The following FRMPD1 variants were observed in gnomAD, a reference collection of about 807,000 sequenced individuals.
FRMPD1 encodes FERM and PDZ domain containing 1.
FRMPD1 carries 76 observed loss-of-function variants against 117.8 expected under a neutral mutation model. The observed-to-expected ratio is 0.65, with a 90% CI of 0.54 to 0.78. The LOEUF (loss-of-function observed/expected upper bound fraction) is 0.78. FRMPD1 is among the 30% of genes least tolerant of loss of function. The pLI is 0.00. For synonymous variants in FRMPD1, 783 were observed against 770.4 expected (o/e 1.02, Z -0.27); for missense variants, 1,786 against 1,964.5 (o/e 0.91, Z 1.72).
intron 6 of FRMPD1, among the ~76,000 whole-genome samples, chr9:37,719,584 T>G (rs1823305092): frequency 6.6e-6 from 1 of 152,258 alleles, no homozygotes; most frequent in Non-Finnish European, 1.5e-5. Flanking sequence ...CTATTGAACC[T>G]CTATTATGTG....
upstream of FRMPD1, among the ~76,000 whole-genome samples, chr9:37,648,093 C>T (rs928931319): frequency 2.0e-5 from 3 of 152,042 alleles, no homozygotes; most frequent in African/African-American, 7.2e-5. Context: ...AATGCTGTTT[C>T]GTCTCCAGGA....
At chr9:37,708,298 C>T in intron 3 of FRMPD1, 101 bp from the exon 4 acceptor site, 1 of 706,468 alleles carries the variant, frequency 1.4e-6, no homozygotes, top group East Asian at 2.5e-5. Flanking sequence ...AGCCAGTGCC[C>T]CTGGGAACTG....
At chr9:37,643,668 C>A in the FRMPD1 span, among the ~76,000 whole-genome samples, 1 of 152,138 alleles carries the variant, frequency 6.6e-6, no homozygotes, top group Non-Finnish European at 1.5e-5. Context: ...CTTGGTTGTG[C>A]TCCTTCAAGC....
At chr9:37,621,293 CTATCAGA>C in the FRMPD1 span, among the ~76,000 whole-genome samples, 1 of 152,180 alleles carries the variant, frequency 6.6e-6, no homozygotes, top group Non-Finnish European at 1.5e-5. Context: ...GACACAATAG[CTATCAGA>C]TACCCAAAGT....
rs763197938 is a variant in FRMPD1 at position 37,685,663 on chromosome 9, A to AC, written c.-4-6975_-4-6974insC. Among the ~76,000 whole-genome samples, 275 of 152,278 alleles carry AC rather than the reference A, an allele frequency of 1.8e-3. 5 individuals are homozygous for AC. Among genetic ancestry groups the AC allele is most frequent in the East Asian group, 1.3e-3 (7 of 5,186 alleles). ...CGAGACTCCGTCTCAAAAAAAAAAAAAATTTGCCTTCCATTTCTTTGGTTA... is the reference window on the plus strand; with the variant it reads ...CGAGACTCCGTCTCAAAAAAAAAAAACAATTTGCCTTCCATTTCTTTGGTTA... On this transcript the variant is annotated intron_variant, in intron 1 of 15. Transcript: ENST00000377765.
chr9:37,636,714 T>C, the FRMPD1 span: 1 of 1,578,450 alleles, frequency 6.3e-7, no homozygotes, highest in Non-Finnish European at 8.6e-7. Context: ...CCAGCCGGCT[T>C]TACAGGGGTG....
chr9:37,722,772 CT>C (rs1823454121), intron 6 of FRMPD1, among the ~76,000 whole-genome samples: 1 of 151,532 alleles, frequency 6.6e-6, no homozygotes, highest in South Asian at 2.1e-4. Context: ...TTTTTTTTTT[CT>C]TTTTTTCTTT....
intron 1 of FRMPD1, among the ~76,000 whole-genome samples, chr9:37,681,534 G>T (rs1400127160): frequency 6.6e-6 from 1 of 152,208 alleles, no homozygotes; most frequent in African/African-American, 2.4e-5. Flanking sequence ...ATGCAGATGT[G>T]TGAGCCCATT....
At chr9:37,637,265 T>C in the FRMPD1 span, 1 of 1,604,018 alleles carries the variant, frequency 6.2e-7, no homozygotes, top group African/African-American at 1.3e-5. Flanking sequence ...CAAAAGCAGC[T>C]TAAACAGGCA....
chr9:37,627,297 T>C, the FRMPD1 span, among the ~76,000 whole-genome samples: 3 of 152,190 alleles, frequency 2.0e-5, no homozygotes, highest in African/African-American at 7.2e-5. Flanking sequence ...AGTTTCATGT[T>C]TACTTTTTAA....
the FRMPD1 span, among the ~76,000 whole-genome samples, chr9:37,637,963 G>GCTTGCTTGCTTGCTTT: frequency 2.2e-4 from 22 of 100,030 alleles, 4 homozygotes; most frequent in Non-Finnish European, 2.9e-4. Context: ...AATGGTGTAT[G>GCTTGCTTGCTTGCTTT]CTTTCTTTCT....
intron 1 of FRMPD1, 68 bp from the exon 2 acceptor site, chr9:37,692,570 C>T (rs1822177368): frequency 2.0e-6 from 2 of 994,492 alleles, no homozygotes; most frequent in African/African-American, 1.6e-5. Context: ...GAAGCATCGT[C>T]CTGATTTATC....
Position 37,746,598 on chromosome 9 carries a change from G to C in FRMPD1, c.4566G>C (p.Gly1522=). ...RCSARHREAA[G]NLRDVVYTYH... ...CCGCCCGGCACAGGGAGGCAGCGGG[G>C]AACCTGAGGGATGTGGTGTACACCT... The change falls in exon 16 of 16, where the codon GGG becomes GGC. Residue 1522 remains glycine, a synonymous_variant. Coordinates refer to ENST00000377765, the MANE Select transcript of FRMPD1 (RefSeq NM_014907.3). 1 of 1,614,022 alleles carries C rather than the reference G, an allele frequency of 6.2e-7. No homozygotes were observed. Among genetic ancestry groups the C allele is most frequent in the Non-Finnish European group, 8.5e-7 (1 of 1,180,000 alleles).
chr9:37,637,276 G>A, the FRMPD1 span: 1 of 1,579,288 alleles, frequency 6.3e-7, no homozygotes, highest in East Asian at 2.2e-5. Flanking sequence ...TAAACAGGCA[G>A]TCATATCCGG....
chr9:37,735,550 A>C lies in FRMPD1; in HGVS notation c.1219-2A>C. 6.2e-7 allele frequency: 1 copy of C among 1,609,062 alleles called. No homozygotes were observed. Among genetic ancestry groups the C allele is most frequent in the Middle Eastern group, 1.7e-4 (1 of 6,052 alleles). ...GACTAATTCCCCTTCCACCCTCTGCAGTTACAGGATAGAGAATCCTACATT... is the reference window on the plus strand; with the variant it reads ...GACTAATTCCCCTTCCACCCTCTGCCGTTACAGGATAGAGAATCCTACATT... On this transcript the variant is annotated splice_acceptor_variant, in intron 12 of 15. Coordinates refer to ENST00000377765, the MANE Select transcript of FRMPD1 (RefSeq NM_014907.3). LOFTEE classifies it high-confidence loss of function.
At chr9:37,737,342 G>A in intron 14 of FRMPD1, 99 bp downstream of exon 14, 2 of 1,025,104 alleles carry the variant, frequency 2.0e-6, no homozygotes, top group Non-Finnish European at 2.9e-6. Flanking sequence ...ATTGAGCCGA[G>A]GCTTCAGCTC....
chr9:37,615,504 C>T, the FRMPD1 span, among the ~76,000 whole-genome samples: 2 of 152,100 alleles, frequency 1.3e-5, no homozygotes, highest in East Asian at 1.9e-4. Context: ...CAAGTGGTCC[C>T]GGTCTGAGAA....
intron 4 of FRMPD1, among the ~76,000 whole-genome samples, chr9:37,710,361 G>T (rs1280769772): frequency 6.6e-6 from 1 of 152,124 alleles, no homozygotes; most frequent in Non-Finnish European, 1.5e-5. Flanking sequence ...TGGTAGCAGT[G>T]GCAAAGAGAA....
chr9:37,740,429 G>A lies in FRMPD1; in HGVS notation c.1901G>A (p.Gly634Asp). The A allele has an allele frequency of 6.2e-7, 1 of 1,614,168 alleles. No individual in the cohort carries two copies. The highest frequency in any genetic ancestry group is 8.5e-7 in the Non-Finnish European group (1 of 1,180,014). ...ACCTTCTTCCACTTTGGCTCGCCAG[G>A]CCTCGCAGAGAGCATTGACTCTGAC... is the stretch of plus-strand genomic sequence containing the variant. ...RSTFFHFGSP[G>D]LAESIDSDSQ... The change falls in exon 15 of 16, where the codon GGC becomes GAC. Residue 634 changes from glycine (G) to aspartate (D), a missense_variant. Physicochemically the swap from Gly to Asp is moderately conservative, Grantham distance 94. Transcript: ENST00000377765. This position sits in a 1 kb window ranked among gnomAD's most constrained non-coding sequence, Gnocchi z 4.2.
Sources: gnomAD v4.1 joint callset for allele counts (sites outside exome capture counted in the v4.1 genomes callset) on GRCh38, gnomAD v4.1.1 for gene constraint, Gnocchi (gnomAD v3.1) non-coding constraint, MANE v1.5 for transcripts, NCBI Gene and HGNC (gene_info 2026-07-23, HGNC 2026-07-21) for gene names.